Variants in KIF3B observed in about 807,000 individuals in gnomAD.
KIF3B encodes kinesin-like protein KIF3B.
A neutral mutation model predicts 74.3 loss-of-function variants in KIF3B; 38 were observed. The observed-to-expected ratio is 0.51, with a 90% confidence interval of 0.39 to 0.67. The LOEUF (loss-of-function observed/expected upper bound fraction) is 0.67. Ranked by LOEUF, KIF3B falls within the 30% of genes least tolerant of loss-of-function variation. The probability of loss-of-function intolerance (pLI) is 0.00; values close to 1 mark genes in which losing one functional copy is unlikely to be tolerated. For missense variants in KIF3B, 649 were observed against 932.0 expected (o/e 0.70, Z 3.95); for synonymous variants, 326 against 342.5 (o/e 0.95, Z 0.53).
chr20:32,300,988 G>A (rs186605541), intron 1 of KIF3B, among the ~76,000 whole-genome samples: 9 of 151,218 alleles, frequency 6.0e-5, no homozygotes, highest in African/African-American at 1.7e-4. Context: ...TCAATCTCTC[G>A]ACTAGCTAGG....
intron 5 of KIF3B, among the ~76,000 whole-genome samples, chr20:32,321,861 A>G (rs2047861389): frequency 6.6e-6 from 1 of 152,220 alleles, no homozygotes; most frequent in Admixed American, 6.5e-5. Context: ...ACAAAATGGT[A>G]TTATACATTT....
chr20:32,282,408 A>G (rs548412649), intron 1 of KIF3B, among the ~76,000 whole-genome samples: 2 of 152,322 alleles, frequency 1.3e-5, no homozygotes, highest in African/African-American at 4.8e-5. Context: ...AATTATTCAT[A>G]GTTTATTTTG....
intron 7 of KIF3B, among the ~76,000 whole-genome samples, chr20:32,327,908 C>T (rs1394981382): frequency 6.6e-6 from 1 of 152,064 alleles, no homozygotes; most frequent in Non-Finnish European, 1.5e-5. Context: ...TGAGACCAGC[C>T]TGGGCAATGT....
chr20:32,301,522 G>T (rs1032725720), intron 1 of KIF3B, among the ~76,000 whole-genome samples: 1 of 151,670 alleles, frequency 6.6e-6, no homozygotes, highest in Non-Finnish European at 1.5e-5. Flanking sequence ...GATTACAGGC[G>T]CCCACCACTA....
intron 5 of KIF3B, among the ~76,000 whole-genome samples, chr20:32,325,655 C>CTCTCT (rs2047899678): frequency 2.0e-5 from 1 of 51,104 alleles, no homozygotes; most frequent in Non-Finnish European, 3.7e-5. Context: ...CTCTCTCTCT[C>CTCTCT]TTTTTTTTTT....
intron 5 of KIF3B, among the ~76,000 whole-genome samples, chr20:32,321,229 G>A (rs1376502553): frequency 1.3e-5 from 2 of 152,042 alleles, no homozygotes; most frequent in Non-Finnish European, 1.5e-5. Flanking sequence ...AGGAGTTCGA[G>A]ATCACCCTGG....
chr20:32,321,279 A>G (rs1278806510), intron 5 of KIF3B, among the ~76,000 whole-genome samples: 3 of 152,068 alleles, frequency 2.0e-5, no homozygotes, highest in Non-Finnish European at 4.4e-5. Context: ...AAATACAAAA[A>G]TTAGCCAGGT....
At chr20:32,298,663 C>T (rs2047727596) in intron 1 of KIF3B, among the ~76,000 whole-genome samples, 2 of 151,652 alleles carry the variant, frequency 1.3e-5, no homozygotes, top group Admixed American at 6.6e-5. Context: ...TATCTCCCCT[C>T]CCCTCCCCTC....
At chr20:32,327,033 G>C (rs1283191960) in intron 6 of KIF3B, 149 bp downstream of exon 6, 1 of 555,448 alleles carries the variant, frequency 1.8e-6, no homozygotes, top group African/African-American at 1.9e-5. Context: ...TGATTTTCTA[G>C]CTGCCATAGA....
chr20:32,331,137 GGCC>G, intron 8 of KIF3B, 83 bp from the exon 9 acceptor site: 1 of 843,686 alleles, frequency 1.2e-6, no homozygotes, highest in Non-Finnish European at 1.9e-6. Flanking sequence ...ATTGAAGAAT[GGCC>G]TGAAATGAAA....
intron 1 of KIF3B, among the ~76,000 whole-genome samples, chr20:32,288,671 A>C (rs2047678122): frequency 6.6e-6 from 1 of 152,190 alleles, no homozygotes; most frequent in African/African-American, 2.4e-5. Context: ...TCGTTCTCTG[A>C]ATAGGCTGTT....
At chr20:32,323,054 T>TTATATTTATATATATTTA (rs1569208472) in intron 5 of KIF3B, among the ~76,000 whole-genome samples, 1 of 68,478 alleles carries the variant, frequency 1.5e-5, no homozygotes, top group South Asian at 3.0e-4. Flanking sequence ...TTATATATAT[T>TTATATTTATATATATTTA]TATATTTATA....
At chr20:32,322,638 T>A (rs1348871120) in intron 5 of KIF3B, among the ~76,000 whole-genome samples, 6 of 77,538 alleles carry the variant, frequency 7.7e-5, no homozygotes, top group Non-Finnish European at 1.2e-4. Context: ...TTATATATAT[T>A]TATATATATA....
chr20:32,318,468 C>G lies in KIF3B; in HGVS notation c.1748+1594C>G, dbSNP rs531897668. 4.3e-4 allele frequency among the ~76,000 whole-genome samples: 66 copies of G among 152,268 alleles called. 1 individual carries two copies. The South Asian group carries it at 0.013, about 30-fold the overall frequency. ...AGTTAGTAGTCACTCCTCATTACCC[C>G]CTTTCCCAACCCGAAGTAATCACTA... On this transcript the variant is annotated intron_variant, in intron 5 of 8. Transcript: ENST00000375712.
At chr20:32,295,459 A>AT (rs1200535572) in intron 1 of KIF3B, among the ~76,000 whole-genome samples, 5 of 151,758 alleles carry the variant, frequency 3.3e-5, no homozygotes, top group African/African-American at 7.3e-5. Flanking sequence ...TGCCCAGCTA[A>AT]TTTTTTTGTA....
chr20:32,327,822 G>A (rs1041431529), intron 7 of KIF3B, among the ~76,000 whole-genome samples, 161 bp downstream of exon 7: 8 of 152,040 alleles, frequency 5.3e-5, no homozygotes, highest in Non-Finnish European at 8.8e-5. Context: ...TAAATAAGCC[G>A]AGCACAGTAG....
At chr20:32,291,381 C>T (rs1600418368) in intron 1 of KIF3B, among the ~76,000 whole-genome samples, 1 of 152,066 alleles carries the variant, frequency 6.6e-6, no homozygotes, top group East Asian at 1.9e-4. Flanking sequence ...ATCATGAACC[C>T]ATTACCCACC....
Position 32,333,724 on chromosome 20 carries a change from C to G in KIF3B, c.*2405C>G, listed in dbSNP as rs1327273644. On this transcript the variant is annotated 3_prime_UTR_variant, in exon 9 of 9. Coordinates refer to ENST00000375712, the MANE Select transcript of KIF3B (RefSeq NM_004798.4). ...TTAATACTGGTATCTCGAGGTGACT[C>G]TTCTGACCAAGGGTGGTTAAGTGAC... The G allele has an allele frequency of 1.3e-5, 2 of 150,816 alleles. No homozygotes were observed. The highest frequency in any genetic ancestry group is 4.9e-5 in the African/African-American group (2 of 40,960). 9.3% of individuals were successfully genotyped at this position (150,816 alleles called of 1,614,324 possible).
At chr20:32,317,596 A>G (rs2047834478) in intron 5 of KIF3B, among the ~76,000 whole-genome samples, 1 of 151,784 alleles carries the variant, frequency 6.6e-6, no homozygotes, top group Non-Finnish European at 1.5e-5. Context: ...ACCTCATGTT[A>G]TCTCACTCCT....
Sources: allele counts gnomAD v4.1 joint callset (sites outside exome capture counted in the v4.1 genomes callset), GRCh38; gene constraint gnomAD v4.1.1; transcripts MANE v1.5; gene names NCBI Gene and HGNC (gene_info 2026-07-23, HGNC 2026-07-21).